Variants in CRELD1 observed in about 807,000 individuals in gnomAD.
CRELD1 encodes CRELD disulfide isomerase 1, also known as protein disulfide isomerase CRELD1.
A neutral mutation model predicts 58.2 loss-of-function variants in CRELD1; 42 were observed. The observed-to-expected ratio is 0.72, with a 90% CI of 0.56 to 0.93. The LOEUF is 0.93. Ranked by LOEUF, CRELD1 falls within the 40% of genes least tolerant of loss-of-function variation. CRELD1 has a pLI of 0.00. For missense variants in CRELD1, 500 were observed against 540.6 expected (o/e 0.92, Z 0.74); for synonymous variants, 222 against 202.0 (o/e 1.10, Z -0.84).
At chr3:9,937,491 GGA>G in intron 3 of CRELD1, 69 bp from the exon 4 acceptor site, 2 of 990,286 alleles carry the variant, frequency 2.0e-6, no homozygotes, top group South Asian at 2.7e-5. Context: ...GAGGAAGGGT[GGA>G]GAGAGACTTG....
rs2085234066 is a variant in CRELD1 at position 9,937,674 on chromosome 3, T to C, written c.368+2T>C. The C allele has an allele frequency of 2.5e-6, 4 of 1,597,076 alleles. No individual in the cohort carries two copies. Among genetic ancestry groups the C allele is most frequent in the Non-Finnish European group, 3.4e-6 (4 of 1,170,646 alleles). The stretch of plus-strand genomic sequence containing the variant: ...GGTGGAGAGCTGGTGGTTTCACAAG[T>C]GAGTGGCAAAGGGCCTTCCCTGGAA... On this transcript the variant is annotated splice_donor_variant, in intron 4 of 10. Transcript: ENST00000452070. LOFTEE classifies it high-confidence loss of function.
In CRELD1 at chr3:9,937,587, G is replaced by A. The variant is rs761933640; in HGVS notation, c.283G>A (p.Glu95Lys). The A allele has an allele frequency of 6.2e-7, 1 of 1,612,306 alleles. No individual in the cohort carries two copies. Among genetic ancestry groups the A allele is most frequent in the East Asian group, 2.2e-5 (1 of 44,840 alleles). ...TGAGACCCGCCTGGTAGAGGTGCTG[G>A]AGGGTGTGTGCAGCAAGTCAGACTT... ...DSETRLVEVL[E>K]GVCSKSDFEC... The change falls in exon 4 of 11, where the codon GAG (glutamate) becomes AAG (lysine). Residue 95 changes from glutamate (E) to lysine (K), a missense_variant. Coordinates refer to ENST00000452070, the MANE Select transcript of CRELD1 (RefSeq NM_001077415.3).
At chr3:9,938,163 G>A (rs2085248873) in intron 5 of CRELD1, 57 bp downstream of exon 5, 2 of 1,327,706 alleles carry the variant, frequency 1.5e-6, no homozygotes, top group East Asian at 4.6e-5. Flanking sequence ...CAGGGATCCA[G>A]TCCTGGCTCT....
Position 9,944,841 on chromosome 3 carries a change from T to C in CRELD1, c.*262T>C. ...ACAATGTGTGAATTTCAAAAGTTTTTCCTTAATGGTGGCTGCTAGAGCTTT... is the reference window on the plus strand; with the variant it reads ...ACAATGTGTGAATTTCAAAAGTTTTCCCTTAATGGTGGCTGCTAGAGCTTT... On this transcript the variant is annotated 3_prime_UTR_variant, in exon 11 of 11. Transcript: ENST00000452070. 5.8e-6 allele frequency: 3 copies of C among 513,964 alleles called. No individual in the cohort carries two copies. In the South Asian group the frequency reaches 6.1e-5, roughly 10 times the overall value. The allele number at this position is 513,964 out of a possible 1,614,324, so 31.8% of individuals were successfully genotyped here.
At chr3:9,939,583 C>T (rs905601629) in intron 5 of CRELD1, among the ~76,000 whole-genome samples, 2 of 152,204 alleles carry the variant, frequency 1.3e-5, no homozygotes, top group Non-Finnish European at 2.9e-5. Flanking sequence ...GCACATCTTG[C>T]ACCGCCCTTA....
rs755381475 is a variant in CRELD1 at position 9,943,067 on chromosome 3, C to T, written c.818-10C>T. On this transcript the variant is annotated splice_polypyrimidine_tract_variant and intron_variant, in intron 8 of 10. Coordinates refer to ENST00000452070, the MANE Select transcript of CRELD1 (RefSeq NM_001077415.3). Reference sequence around the variant, plus strand: ...CACATCTCACCCTCATCTTTCTCTCCTCTCTCCAGACTGTGCCAAGGCCTG... The same window carrying T: ...CACATCTCACCCTCATCTTTCTCTCTTCTCTCCAGACTGTGCCAAGGCCTG... 1.9e-6 allele frequency: 3 copies of T among 1,613,180 alleles called. No individual in the cohort carries two copies. Among genetic ancestry groups the T allele is most frequent in the Non-Finnish European group, 2.5e-6 (3 of 1,179,328 alleles).
chr3:9,939,262 T>C (rs1468832036), intron 5 of CRELD1, among the ~76,000 whole-genome samples: 1 of 152,210 alleles, frequency 6.6e-6, no homozygotes, highest in African/African-American at 2.4e-5. Context: ...AAATATTATG[T>C]CATTAAAATT....
intron 5 of CRELD1, chr3:9,938,711 T>G (rs1294312292): frequency 6.6e-6 from 1 of 152,320 alleles, no homozygotes; most frequent in Non-Finnish European, 1.5e-5. Context: ...ATACAAAAAA[T>G]TAGCCGGGCA....
intron 5 of CRELD1, among the ~76,000 whole-genome samples, chr3:9,938,976 T>C (rs909241688): frequency 3.6e-4 from 54 of 151,540 alleles, no homozygotes; most frequent in African/African-American, 1.3e-3. Context: ...GCCTGGGTAG[T>C]AGAGCAAGAC....
intron 5 of CRELD1, among the ~76,000 whole-genome samples, chr3:9,938,978 G>A (rs2085272065): frequency 6.6e-6 from 1 of 151,802 alleles, no homozygotes; most frequent in Non-Finnish European, 1.5e-5. Context: ...CTGGGTAGTA[G>A]AGCAAGACCC....
At chr3:9,935,378 A>G (rs960806664) in intron 3 of CRELD1, among the ~76,000 whole-genome samples, 16 of 152,202 alleles carry the variant, frequency 1.1e-4, no homozygotes, top group Non-Finnish European at 2.1e-4. Context: ...GGCTACAGAA[A>G]AGAGTTTAGA....
chr3:9,941,276 A>C, intron 7 of CRELD1, 70 bp downstream of exon 7: 1 of 1,387,612 alleles, frequency 7.2e-7, no homozygotes, highest in Non-Finnish European at 1.0e-6. Context: ...TTCTCTCAAC[A>C]CAAGCCTGGG....
chr3:9,940,712 G>A, intron 5 of CRELD1, 138 bp from the exon 6 acceptor site: 1 of 627,542 alleles, frequency 1.6e-6, no homozygotes, highest in South Asian at 1.8e-5. Context: ...CATGGGGAGA[G>A]GGAGAGGGAA....
chr3:9,942,125 G>A (rs1219485658), intron 7 of CRELD1, among the ~76,000 whole-genome samples: 1 of 151,972 alleles, frequency 6.6e-6, no homozygotes, highest in African/African-American at 2.4e-5. Context: ...CAAAAATTTA[G>A]CCAGGCATGG....
intron 3 of CRELD1, 38 bp downstream of exon 3, chr3:9,934,955 C>T: frequency 2.0e-6 from 3 of 1,520,758 alleles, no homozygotes; most frequent in South Asian, 2.3e-5. Flanking sequence ...ATATTCCCCT[C>T]CCCGCCAAAT....
intron 7 of CRELD1, among the ~76,000 whole-genome samples, chr3:9,941,780 A>G (rs1355072394): frequency 8.2e-6 from 1 of 121,820 alleles, no homozygotes; most frequent in African/African-American, 3.4e-5. Context: ...ACAGAGGGAG[A>G]CTCCATCTCA....
Position 9,934,573 on chromosome 3 carries a change from G to C in CRELD1, c.135G>C (p.Pro45=), listed in dbSNP as rs989504009. The part of the protein sequence containing the change: ...PQSSPPPQPH[P]CHTCRGLVDS... ...CTTCTCCCCCGCCTCAGCCCCATCC[G>C]TGTCATACCTGCCGGGGACTGGTTG... Residue 45 remains proline, a synonymous_variant, in exon 2 of 11, where the codon CCG becomes CCC. Transcript: ENST00000452070. The C allele has an allele frequency of 6.2e-7, 1 of 1,614,012 alleles. No individual in the cohort carries two copies.
intron 1 of CRELD1, 197 bp from the exon 2 acceptor site, chr3:9,934,223 T>C: frequency 1.7e-6 from 1 of 590,228 alleles, no homozygotes. Flanking sequence ...CTAGCGAGGA[T>C]AACTTATTTC....
chr3:9,937,821 G>C (rs1343931302), intron 4 of CRELD1, 149 bp downstream of exon 4: 1 of 772,446 alleles, frequency 1.3e-6, no homozygotes, highest in Non-Finnish European at 2.3e-6. Flanking sequence ...AACTTGCCGG[G>C]GGACTTGCGC....
Sources: allele counts gnomAD v4.1 joint callset (sites outside exome capture counted in the v4.1 genomes callset), GRCh38; gene constraint gnomAD v4.1.1; transcripts MANE v1.5; gene names NCBI Gene and HGNC (gene_info 2026-07-23, HGNC 2026-07-21).